RASGRP3: variants seen among roughly 807,000 people sequenced by gnomAD.
RASGRP3 encodes ras guanyl-releasing protein 3.
A neutral mutation model predicts 82.7 loss-of-function variants in RASGRP3; 54 were observed. The observed-to-expected ratio is 0.65, with a 90% confidence interval of 0.52 to 0.82. The LOEUF (loss-of-function observed/expected upper bound fraction) is 0.82, where lower values mean the gene tolerates loss of function less well. Among genes scored for constraint, RASGRP3 ranks in the 40% least tolerant of loss-of-function variants. RASGRP3 has a pLI of 0.00. For missense variants in RASGRP3, 861 were observed against 828.9 expected, an observed-to-expected ratio of 1.04 and a Z score of -0.48; for synonymous variants, 309 against 300.5, an observed-to-expected ratio of 1.03 and a Z score of -0.29.
At chr2:33,473,068 A>G (rs879779816), upstream of RASGRP3, among the ~76,000 whole-genome samples, 8 of 151,368 alleles carry the variant, frequency 5.3e-5, no homozygotes, top group Admixed American at 1.3e-4. Flanking sequence ...GCAGTAATTA[A>G]AAGAGCAAGT....
At chr2:33,562,184 C>G (rs941125764) in intron 17 of RASGRP3, among the ~76,000 whole-genome samples, 1 of 151,858 alleles carries the variant, frequency 6.6e-6, no homozygotes, top group Non-Finnish European at 1.5e-5. Flanking sequence ...TGTGGTACAC[C>G]CTTTAAGGTC....
intron 1 of RASGRP3, among the ~76,000 whole-genome samples, chr2:33,447,624 A>C (rs1468913819): frequency 1.3e-5 from 2 of 151,976 alleles, no homozygotes; most frequent in Admixed American, 6.6e-5. Context: ...AGTAGAGACG[A>C]GGTTTCACCA....
In RASGRP3 at chr2:33,520,436, GTGGTCCTGGA is replaced by G. The variant is rs1247248874; in HGVS notation, c.237-106_237-97del. The G allele has an allele frequency of 1.0e-5, 13 of 1,298,490 alleles. No homozygotes were observed. The East Asian group carries it at 2.6e-4, about 26-fold the overall frequency. 80.4% of individuals were successfully genotyped at this position (1,298,490 alleles called of 1,614,324 possible). On this transcript the variant is annotated intron_variant, in intron 5 of 17. Transcript: ENST00000403687. ...AGACAGGAGATGGCTAATTTGAAGT[GTGGTCCTGGA>G]TGGTCCTGGACTTGGTGTTAAATGT...
chr2:33,469,921 T>A (rs937289940), intron 2 of RASGRP3, among the ~76,000 whole-genome samples: 1 of 152,218 alleles, frequency 6.6e-6, no homozygotes, highest in African/African-American at 2.4e-5. Context: ...ATTGAACAAA[T>A]ACAATAAACA....
intron 12 of RASGRP3, chr2:33,539,995 A>AG: frequency 8.3e-6 from 1 of 121,120 alleles, no homozygotes; most frequent in South Asian, 2.6e-4. Flanking sequence ...CTGAAAAAAA[A>AG]AAAAAGAAAA....
At chr2:33,453,718 T>C (rs73926652) in intron 2 of RASGRP3, among the ~76,000 whole-genome samples, 1,908 of 152,338 alleles carry the variant, frequency 0.013, 38 homozygotes, top group African/African-American at 0.044. Context: ...CATGAGGATA[T>C]GTAAGGATCT....
chr2:33,551,679 G>A (rs948312775), intron 14 of RASGRP3, among the ~76,000 whole-genome samples: 1 of 151,820 alleles, frequency 6.6e-6, no homozygotes. Context: ...CACTGCCATC[G>A]CTAAATATAA....
At chr2:33,544,448 C>T (rs1674552347) in intron 13 of RASGRP3, among the ~76,000 whole-genome samples, 2 of 151,596 alleles carry the variant, frequency 1.3e-5, no homozygotes, top group East Asian at 1.9e-4. Context: ...TGCTTTTTAG[C>T]GTCAAATGAT....
intron 2 of RASGRP3, among the ~76,000 whole-genome samples, chr2:33,451,476 C>T (rs1448497653): frequency 6.6e-6 from 1 of 152,166 alleles, no homozygotes; most frequent in Non-Finnish European, 1.5e-5. Context: ...TCTAAGAAAT[C>T]ATTGCCGAGA....
intron 1 of RASGRP3, among the ~76,000 whole-genome samples, chr2:33,484,120 A>C (rs547688481): frequency 6.6e-6 from 1 of 152,168 alleles, no homozygotes; most frequent in Non-Finnish European, 1.5e-5. Context: ...GGAGTCTTTT[A>C]CCTAAATTAA....
At chr2:33,497,971 C>T (rs1458487962) in intron 1 of RASGRP3, among the ~76,000 whole-genome samples, 2 of 147,066 alleles carry the variant, frequency 1.4e-5, no homozygotes, top group Non-Finnish European at 3.0e-5. Flanking sequence ...CCTTTTTCCC[C>T]TCCCTTTCTC....
At chr2:33,478,096 C>T (rs1667542372) in intron 1 of RASGRP3, among the ~76,000 whole-genome samples, 1 of 152,174 alleles carries the variant, frequency 6.6e-6, no homozygotes, top group Non-Finnish European at 1.5e-5. Context: ...CAGGGCACGG[C>T]ACTTCTGCGA....
At chr2:33,447,525 T>C (rs1050210733) in intron 1 of RASGRP3, among the ~76,000 whole-genome samples, 6 of 151,794 alleles carry the variant, frequency 4.0e-5, no homozygotes, top group African/African-American at 1.5e-4. Context: ...AACCTTCGCC[T>C]CCTGAATTCA....
chr2:33,454,574 T>A (rs1302853471), intron 2 of RASGRP3, among the ~76,000 whole-genome samples: 1 of 152,240 alleles, frequency 6.6e-6, no homozygotes, highest in Non-Finnish European at 1.5e-5. Flanking sequence ...TATCTACCTT[T>A]GTTTCCTTTT....
chr2:33,525,335 G>A (rs2151031769), intron 9 of RASGRP3, among the ~76,000 whole-genome samples: 1 of 128,930 alleles, frequency 7.8e-6, no homozygotes, highest in Non-Finnish European at 1.6e-5. Context: ...TAACTGAATT[G>A]TCATGAATAT....
Position 33,558,925 on chromosome 2 carries a change from G to C in RASGRP3, c.1959G>C (p.Trp653Cys), listed in dbSNP as rs1428626694. Residue 653 changes from tryptophan to cysteine, a missense_variant, in exon 17 of 18, where the codon TGG (tryptophan) becomes TGC (cysteine). Transcript: ENST00000403687. ...CAAAGGACAAAGGCTTTGCCAAATG[G>C]GAAAATGAGAAGCCCAGGGTGCATG... ...KAAKDKGFAK[W>C]ENEKPRVHAG... 1 of 1,613,888 alleles carries C rather than the reference G, an allele frequency of 6.2e-7. No homozygotes were observed. The highest frequency in any genetic ancestry group is 1.3e-5 in the African/African-American group (1 of 74,918).
Position 33,524,426 on chromosome 2 carries a change from T to C in RASGRP3, c.691-6T>C, listed in dbSNP as rs1305683731. 6.5e-7 allele frequency: 1 copy of C among 1,543,822 alleles called. No individual in the cohort carries two copies. Among genetic ancestry groups the C allele is most frequent in the Non-Finnish European group, 8.8e-7 (1 of 1,136,560 alleles). ...CTTAAAAAGCATTGATGCATTTTTA[T>C]TGCAGAAGCTCCTTCAGCTCAAAAA... On this transcript the variant is annotated splice_polypyrimidine_tract_variant and splice_region_variant and intron_variant, in intron 8 of 17. Coordinates refer to ENST00000403687, the MANE Select transcript of RASGRP3 (RefSeq NM_001139488.2).
intron 2 of RASGRP3, among the ~76,000 whole-genome samples, chr2:33,462,224 C>G (rs774982571): frequency 9.2e-5 from 14 of 152,026 alleles, no homozygotes; most frequent in Non-Finnish European, 2.1e-4. Flanking sequence ...TGCTAGTGAG[C>G]TGCCATGTGA....
At chr2:33,506,835 G>A (rs1229208773) in intron 1 of RASGRP3, among the ~76,000 whole-genome samples, 2 of 152,144 alleles carry the variant, frequency 1.3e-5, no homozygotes, top group African/African-American at 2.4e-5. Context: ...CGTGTCATCA[G>A]TTGTGGTCCA....
Sources: gnomAD v4.1 joint callset for allele counts (sites outside exome capture counted in the v4.1 genomes callset) on GRCh38, gnomAD v4.1.1 for gene constraint, MANE v1.5 for transcripts, NCBI Gene and HGNC (gene_info 2026-07-23, HGNC 2026-07-21) for gene names.